TSNARE1: variants seen among roughly 807,000 people sequenced by gnomAD.
TSNARE1 encodes t-SNARE domain containing 1, also known as t-SNARE domain-containing protein 1.
A neutral mutation model predicts 62.0 loss-of-function variants in TSNARE1; 49 were observed. The ratio of observed to expected loss-of-function variants is 0.79; its 90% CI spans 0.63 to 1.00. TSNARE1 has a LOEUF of 1.00. TSNARE1 is among the 50% of genes least tolerant of loss of function. TSNARE1 has a pLI of 0.00. For synonymous variants in TSNARE1, 328 were observed against 294.4 expected, an observed-to-expected ratio of 1.11 and a Z score of -1.17; for missense variants, 755 against 700.1, an observed-to-expected ratio of 1.08 and a Z score of -0.88.
At chr8:142,362,551 G>A (rs1835242731) in intron 1 of TSNARE1, among the ~76,000 whole-genome samples, 1 of 152,126 alleles carries the variant, frequency 6.6e-6, no homozygotes, top group African/African-American at 2.4e-5. Flanking sequence ...CAAGACAGAG[G>A]GGCCTCCGGT....
At chr8:142,255,419 T>TCACCAC (rs1818382745) in intron 12 of TSNARE1, among the ~76,000 whole-genome samples, 1 of 121,754 alleles carries the variant, frequency 8.2e-6, no homozygotes, top group African/African-American at 3.4e-5. Context: ...ACCATCACCA[T>TCACCAC]CACCACCACC....
intron 2 of TSNARE1, 100 bp from the exon 3 acceptor site, chr8:142,345,992 TG>T: frequency 7.1e-7 from 1 of 1,413,872 alleles, no homozygotes; most frequent in Non-Finnish European, 9.6e-7. Flanking sequence ...GGACCCGAGA[TG>T]CTCCACTCAG....
chr8:142,343,911 C>A (rs935009367), intron 4 of TSNARE1, 55 bp downstream of exon 4: 265 of 1,439,122 alleles, frequency 1.8e-4, no homozygotes, highest in Middle Eastern at 1.9e-4. Context: ...ATGGGCCCCC[C>A]CCTCCTGCTG....
intron 13 of TSNARE1, among the ~76,000 whole-genome samples, chr8:142,218,285 C>T (rs780038080): frequency 4.7e-4 from 25 of 53,312 alleles, no homozygotes; most frequent in South Asian, 1.2e-3. Flanking sequence ...AGGGTCAGGG[C>T]TCAGGGTGTG....
chr8:142,306,250 G>A (rs577488716), intron 9 of TSNARE1, among the ~76,000 whole-genome samples: 3 of 152,294 alleles, frequency 2.0e-5, no homozygotes, highest in Non-Finnish European at 2.9e-5. Flanking sequence ...GACAAGGGGC[G>A]ACCTCCAGCC....
Position 142,331,815 on chromosome 8 carries a change from CG to C in TSNARE1, c.761del (p.Pro254ArgfsTer22). ...CCTGGAACAGCTCCTGGAGGTTGCA[CG>C]GATCGACCTGGGTGGCTGGGAGAAG... is the stretch of plus-strand genomic sequence containing the variant. The part of the protein sequence containing the change: ...LEPPRATQVD[P>X]CNLQELFQEM... On this transcript the variant is annotated frameshift_variant, in exon 5 of 14. Coordinates refer to ENST00000524325, the MANE Select transcript of TSNARE1 (RefSeq NM_145003.5). LOFTEE classifies it high-confidence loss of function. 3 of 1,608,578 alleles carry C rather than the reference CG, an allele frequency of 1.9e-6. No individual in the cohort carries two copies. The highest frequency in any genetic ancestry group is 2.5e-6 in the Non-Finnish European group (3 of 1,177,584).
chr8:142,271,771 G>C, intron 12 of TSNARE1: 1 of 1,057,818 alleles, frequency 9.5e-7, no homozygotes, highest in African/African-American at 1.7e-5. Flanking sequence ...TGCAGGGAGA[G>C]TGCCCATGTG....
intron 12 of TSNARE1, among the ~76,000 whole-genome samples, chr8:142,258,878 A>G (rs922062502): frequency 6.6e-6 from 1 of 152,118 alleles, no homozygotes; most frequent in African/African-American, 2.4e-5. Flanking sequence ...CCCAGCTCAG[A>G]GTCTGGAAGA....
At chr8:142,260,503 A>T (rs1376239026) in intron 12 of TSNARE1, among the ~76,000 whole-genome samples, 2 of 152,274 alleles carry the variant, frequency 1.3e-5, no homozygotes, top group African/African-American at 4.8e-5. Context: ...TGGGTGGGTT[A>T]TCAGCTAACC....
At chr8:142,394,046 A>C (rs1837727620) in intron 1 of TSNARE1, among the ~76,000 whole-genome samples, 1 of 152,202 alleles carries the variant, frequency 6.6e-6, no homozygotes, top group South Asian at 2.1e-4. Flanking sequence ...CACCCGTCCA[A>C]TCACAGCTCT....
chr8:142,288,274 C>A (rs1563835613), intron 10 of TSNARE1, among the ~76,000 whole-genome samples: 1 of 152,210 alleles, frequency 6.6e-6, no homozygotes, highest in Non-Finnish European at 1.5e-5. Flanking sequence ...GTGTTCCAGG[C>A]ACGCCTCTGT....
chr8:142,299,680 T>C (rs1276954027), intron 10 of TSNARE1, among the ~76,000 whole-genome samples: 1 of 150,308 alleles, frequency 6.7e-6, no homozygotes, highest in Admixed American at 6.6e-5. Context: ...CGCACTCACA[T>C]GCATCACACG....
intron 9 of TSNARE1, among the ~76,000 whole-genome samples, chr8:142,312,890 G>C (rs1237275576): frequency 6.6e-6 from 1 of 152,244 alleles, no homozygotes; most frequent in Non-Finnish European, 1.5e-5. Context: ...GGGGTGAGAA[G>C]GCAGTGATGA....
At chr8:142,352,544 G>A (rs1157895098) in intron 2 of TSNARE1, among the ~76,000 whole-genome samples, 1 of 152,264 alleles carries the variant, frequency 6.6e-6, no homozygotes, top group Middle Eastern at 3.2e-3. Flanking sequence ...GCATCCCTGA[G>A]ATGCGGAACA....
chr8:142,403,059 A>C, intron 1 of TSNARE1, 45 bp downstream of exon 1: 1 of 141,362 alleles, frequency 7.1e-6, no homozygotes, highest in African/African-American at 2.6e-5. Context: ...TCGCCGCCCC[A>C]CGCCCGGCCC....
chr8:142,352,556 G>A (rs72614029), intron 2 of TSNARE1, among the ~76,000 whole-genome samples: 9,348 of 152,378 alleles, frequency 0.061, 462 homozygotes, highest in East Asian at 0.26. Context: ...TGCGGAACAC[G>A]CACAGACGCC....
chr8:142,348,555 C>T (rs1408521177), intron 2 of TSNARE1, among the ~76,000 whole-genome samples: 18 of 127,922 alleles, frequency 1.4e-4, no homozygotes, highest in African/African-American at 5.6e-4. Context: ...AAGCTGGCTG[C>T]TCCCGGCACC....
chr8:142,334,614 GAATA>G (rs145961563), intron 4 of TSNARE1, among the ~76,000 whole-genome samples: 2,112 of 152,150 alleles, frequency 0.014, 42 homozygotes, highest in African/African-American at 0.048. Context: ...TCCACAAGCA[GAATA>G]AATACATATT....
intron 11 of TSNARE1, among the ~76,000 whole-genome samples, chr8:142,281,559 C>T (rs1821458602): frequency 6.6e-6 from 1 of 151,924 alleles, no homozygotes. Flanking sequence ...TGGCTCTCCA[C>T]AAGCAGAGGA....
Sources: allele counts gnomAD v4.1 joint callset (sites outside exome capture counted in the v4.1 genomes callset), GRCh38; gene constraint gnomAD v4.1.1; transcripts MANE v1.5; gene names NCBI Gene and HGNC (gene_info 2026-07-23, HGNC 2026-07-21).